Variants in ESS2 observed in about 807,000 individuals in gnomAD.
ESS2 encodes ess-2 spliceosome associated protein, also known as splicing factor ESS-2 homolog.
In ESS2, 31 loss-of-function variants were observed where a neutral mutation model predicts 52.0. That is an observed-to-expected ratio of 0.60 (90% CI 0.45 to 0.81). The LOEUF is 0.81. Ranked by LOEUF, ESS2 falls within the 30% of genes least tolerant of loss-of-function variation. The pLI, the probability that ESS2 is intolerant of heterozygous loss-of-function variation, is 0.00. For synonymous variants in ESS2, 285 were observed against 259.2 expected (o/e 1.10, Z -0.95); for missense variants, 602 against 637.2 (o/e 0.94, Z 0.59).
intron 8 of ESS2, 22 bp downstream of exon 8, chr22:19,137,301 T>G (rs1336323929): frequency 6.3e-7 from 1 of 1,582,658 alleles, no homozygotes; most frequent in East Asian, 2.2e-5. Flanking sequence ...TCGCACACAG[T>G]TCCCCCATCA....
At position 19,132,526 on chromosome 22, in the gene ESS2, G is replaced by A. The variant is rs375084328; in HGVS notation, c.*1670C>T. 3 of 1,531,550 alleles carry A rather than the reference G, an allele frequency of 2.0e-6. No homozygotes were observed. Among genetic ancestry groups the A allele is most frequent in the Non-Finnish European group, 2.6e-6 (3 of 1,132,372 alleles). The allele number at this position is 1,531,550 out of a possible 1,614,324, so 94.9% of individuals were successfully genotyped here. A position where few individuals can be genotyped will look rare whatever the true frequency, so the allele number is the denominator to read the frequency against. ...GGTGGGGGTCGGGGTTGGGGGGCAT[G>A]GTGCAGTCGGCCTTCACGTAAACTA... On this transcript the variant is annotated 3_prime_UTR_variant, in exon 10 of 10. Coordinates refer to ENST00000252137, the MANE Select transcript of ESS2 (RefSeq NM_022719.3). This position sits in a 1 kb window ranked among gnomAD's most constrained non-coding sequence, Gnocchi z 4.2.
Position 19,132,311 on chromosome 22 carries a change from C to T in ESS2, c.*1885G>A, listed in dbSNP as rs549857607. 13 of 1,613,118 alleles carry T rather than the reference C, an allele frequency of 8.1e-6. No individual in the cohort carries two copies. The Admixed American group carries it at 2.0e-4, about 25-fold the overall frequency. On this transcript the variant is annotated 3_prime_UTR_variant, in exon 10 of 10. Transcript: ENST00000252137. This position sits in a 1 kb window ranked among gnomAD's most constrained non-coding sequence, Gnocchi z 4.2. ...AGTGCAAACTGGACACCAAGACAGG[C>T]TTGAGGCCCGACCACCGGCCCGACC...
intron 3 of ESS2, among the ~76,000 whole-genome samples, chr22:19,141,478 T>C (rs2083685166): frequency 6.6e-6 from 1 of 152,134 alleles, no homozygotes; most frequent in Non-Finnish European, 1.5e-5. Flanking sequence ...GACTCCCCCA[T>C]CAAGTCACGA....
chr22:19,137,831 C>A, intron 7 of ESS2: 2 of 985,440 alleles, frequency 2.0e-6, no homozygotes, highest in Non-Finnish European at 2.4e-6. Context: ...TGCAGAGGGA[C>A]ACCCACGCAT....
Position 19,134,442 on chromosome 22 carries a change from C to T in ESS2, c.1185G>A (p.Ser395=), listed in dbSNP as rs769649853. 5.7e-6 allele frequency: 9 copies of T among 1,586,624 alleles called. No homozygotes were observed. In the African/African-American group the frequency reaches 6.8e-5, roughly 12 times the overall value. The change falls in exon 10 of 10, where the codon TCG becomes TCA. Residue 395 remains serine (S), a synonymous_variant. Coordinates refer to ENST00000252137, the MANE Select transcript of ESS2 (RefSeq NM_022719.3). ...LTPKGLSPAM[S]PALQRLVSRT... The stretch of plus-strand genomic sequence containing the variant: ...TGCTCACAAGGCGCTGTAGGGCTGG[C>T]GACATGGCTGGGCTCAGGCCTTTGG...
rs190929563 is a variant in ESS2, at chr22:19,133,549, G to C, written c.*647C>G. 9.8e-5 allele frequency: 15 copies of C among 152,478 alleles called. No homozygotes were observed. Among genetic ancestry groups the C allele is most frequent in the African/African-American group, 3.6e-4 (15 of 41,540 alleles). 9.4% of individuals were successfully genotyped at this position (152,478 alleles called of 1,614,324 possible). On this transcript the variant is annotated 3_prime_UTR_variant, in exon 10 of 10. Coordinates refer to ENST00000252137, the MANE Select transcript of ESS2 (RefSeq NM_022719.3). Reference sequence around the variant, plus strand: ...GCTGGAAGCCAGGTGCTGGGAGAAGGTGATAGCTGAGATCACCTGATATGC... The same window carrying C: ...GCTGGAAGCCAGGTGCTGGGAGAAGCTGATAGCTGAGATCACCTGATATGC...
intron 5 of ESS2, 57 bp from the exon 6 acceptor site, chr22:19,139,349 A>G: frequency 7.3e-6 from 11 of 1,513,880 alleles, no homozygotes; most frequent in Non-Finnish European, 9.7e-6. Flanking sequence ...CCTAAGGAGC[A>G]TGAGGAGCTC....
rs372941768 is a variant in ESS2 at position 19,131,852 on chromosome 22, G to A, written c.*2344C>T. 5 of 1,614,028 alleles carry A rather than the reference G, an allele frequency of 3.1e-6. No individual in the cohort carries two copies. The East Asian group carries it at 6.7e-5, about 22-fold the overall frequency. ...TCCTCGACAAGGACTTCAACATCAA[G>A]CTGTCTGACTTTGGCTTCTCCAAGC... is the stretch of plus-strand genomic sequence containing the variant. On this transcript the variant is annotated 3_prime_UTR_variant, in exon 10 of 10. Coordinates refer to ENST00000252137, the MANE Select transcript of ESS2 (RefSeq NM_022719.3). The surrounding 1 kb of genome is among the most constrained non-coding windows in gnomAD (Gnocchi z 5.7).
At chr22:19,144,438 G>A (rs1340439669) in intron 1 of ESS2, 68 bp downstream of exon 1, 12 of 1,604,598 alleles carry the variant, frequency 7.5e-6, no homozygotes, top group Non-Finnish European at 1.0e-5. Flanking sequence ...CCCGAGAGAG[G>A]GAACCTGAGA....
intron 1 of ESS2, 60 bp from the exon 2 acceptor site, chr22:19,142,954 C>G (rs1197786211): frequency 6.5e-7 from 1 of 1,531,422 alleles, no homozygotes; most frequent in Non-Finnish European, 8.8e-7. Flanking sequence ...CACCTGTAAT[C>G]CCAACACTTT....
chr22:19,137,919 A>G lies in ESS2; in HGVS notation c.925+296T>C, dbSNP rs1038701724. 22 of 984,838 alleles carry G rather than the reference A, an allele frequency of 2.2e-5. No individual in the cohort carries two copies. The African/African-American group carries it at 3.7e-4, about 16-fold the overall frequency. 61.0% of individuals were successfully genotyped at this position (984,838 alleles called of 1,614,324 possible). On this transcript the variant is annotated intron_variant, in intron 7 of 9. Transcript: ENST00000252137. ...TGCAGTGCTAGGTAGACTTAGACTC[A>G]TAAGCACTGTGCACACACCCCCACC...
chr22:19,143,437 T>G (rs2083728907), intron 1 of ESS2, among the ~76,000 whole-genome samples: 1 of 152,212 alleles, frequency 6.6e-6, no homozygotes, highest in African/African-American at 2.4e-5. Flanking sequence ...CTGAAGTCCG[T>G]GAAACCCTTC....
chr22:19,134,567 G>T, intron 9 of ESS2, 92 bp from the exon 10 acceptor site: 1 of 1,334,692 alleles, frequency 7.5e-7, no homozygotes, highest in Non-Finnish European at 1.0e-6. Context: ...AAGAGCCTGG[G>T]CAGAGACACA....
chr22:19,131,311 C>CG lies in ESS2; in HGVS notation c.*2884dup. On this transcript the variant is annotated 3_prime_UTR_variant, in exon 10 of 10. Coordinates refer to ENST00000252137, the MANE Select transcript of ESS2 (RefSeq NM_022719.3). This position sits in a 1 kb window ranked among gnomAD's most constrained non-coding sequence, Gnocchi z 5.7. Reference sequence around the variant, plus strand: ...CCCAGCCCAGGGCAGCCCAGCCAGACGCCTCCGGTAGTGTAAATGAGGACA... The same window carrying CG: ...CCCAGCCCAGGGCAGCCCAGCCAGACGGCCTCCGGTAGTGTAAATGAGGACA... The CG allele has an allele frequency of 1.2e-5, 15 of 1,211,662 alleles. No homozygotes were observed. Among genetic ancestry groups the CG allele is most frequent in the Non-Finnish European group, 1.8e-5 (15 of 856,292 alleles). The allele number at this position is 1,211,662 out of a possible 1,614,324, so 75.1% of individuals were successfully genotyped here.
At position 19,132,527 on chromosome 22, in the gene ESS2, G is replaced by C. The variant is rs757802014; in HGVS notation, c.*1669C>G. ...GTGGGGGTCGGGGTTGGGGGGCATGGTGCAGTCGGCCTTCACGTAAACTAA... is the reference window on the plus strand; with the variant it reads ...GTGGGGGTCGGGGTTGGGGGGCATGCTGCAGTCGGCCTTCACGTAAACTAA... On this transcript the variant is annotated 3_prime_UTR_variant, in exon 10 of 10. Coordinates refer to ENST00000252137, the MANE Select transcript of ESS2 (RefSeq NM_022719.3). The surrounding 1 kb of genome is among the most constrained non-coding windows in gnomAD (Gnocchi z 4.2). 6.5e-7 allele frequency: 1 copy of C among 1,531,816 alleles called. No individual in the cohort carries two copies. The highest frequency in any genetic ancestry group is 8.8e-7 in the Non-Finnish European group (1 of 1,132,384). The allele number at this position is 1,531,816 out of a possible 1,614,324, so 94.9% of individuals were successfully genotyped here.
chr22:19,140,508 C>G (rs2083666900), intron 3 of ESS2, among the ~76,000 whole-genome samples: 1 of 152,184 alleles, frequency 6.6e-6, no homozygotes, highest in Non-Finnish European at 1.5e-5. Context: ...ATCATCCTGA[C>G]CTGAGAGCGA....
chr22:19,135,497 C>A (rs1015431513), intron 8 of ESS2, among the ~76,000 whole-genome samples: 1 of 152,188 alleles, frequency 6.6e-6, no homozygotes, highest in African/African-American at 2.4e-5. Flanking sequence ...GTATTTCGGG[C>A]GCTTCCCCGT....
rs373815280 is a variant in ESS2, at chr22:19,131,864, T to C, written c.*2332A>G. 11 of 1,614,052 alleles carry C rather than the reference T, an allele frequency of 6.8e-6. No individual in the cohort carries two copies. The South Asian group carries it at 9.9e-5, about 14-fold the overall frequency. On this transcript the variant is annotated 3_prime_UTR_variant, in exon 10 of 10. Transcript: ENST00000252137. This position sits in a 1 kb window ranked among gnomAD's most constrained non-coding sequence, Gnocchi z 5.7. ...ACTTCAACATCAAGCTGTCTGACTT[T>C]GGCTTCTCCAAGCGCTGCCTGCGGG...
intron 8 of ESS2, among the ~76,000 whole-genome samples, chr22:19,136,587 G>C (rs2083586232): frequency 6.6e-6 from 1 of 152,122 alleles, no homozygotes; most frequent in African/African-American, 2.4e-5. Flanking sequence ...GAATTTATCT[G>C]TTTACTGTTG....
Sources: gnomAD v4.1 joint callset for allele counts (sites outside exome capture counted in the v4.1 genomes callset) on GRCh38, gnomAD v4.1.1 for gene constraint, Gnocchi (gnomAD v3.1) non-coding constraint, MANE v1.5 for transcripts, NCBI Gene and HGNC (gene_info 2026-07-23, HGNC 2026-07-21) for gene names.